HECW2: variants seen among roughly 807,000 people sequenced by gnomAD.
HECW2 encodes E3 ubiquitin-protein ligase HECW2.
Under a neutral mutation model 175.2 loss-of-function variants are expected in HECW2, and 61 were observed. The observed-to-expected ratio is 0.35, with a 90% CI of 0.28 to 0.43. The LOEUF is 0.43. Ranked by LOEUF, HECW2 falls within the 20% of genes least tolerant of loss-of-function variation. The pLI is 1.00. For missense variants in HECW2, 1,524 were observed against 2,000.5 expected (o/e 0.76, Z 4.54); for synonymous variants, 671 against 731.0 (o/e 0.92, Z 1.32).
chr2:196,245,336 G>A (rs951844861), intron 19 of HECW2, among the ~76,000 whole-genome samples: 1 of 152,146 alleles, frequency 6.6e-6, no homozygotes, highest in African/African-American at 2.4e-5. Flanking sequence ...AGAAAATGAA[G>A]GTGCAGTTTC....
Position 196,307,236 on chromosome 2 carries a change from A to T in HECW2, c.2586-3T>A, listed in dbSNP as rs759711367. 1 of 1,591,614 alleles carries T rather than the reference A, an allele frequency of 6.3e-7. No homozygotes were observed. Among genetic ancestry groups the T allele is most frequent in the Non-Finnish European group, 8.6e-7 (1 of 1,159,492 alleles). ...TGGTTCTGCGGATACTCTGATATCT[A>T]AAATCATGAGCCTAGAGTTACATTC... On this transcript the variant is annotated splice_polypyrimidine_tract_variant and splice_region_variant and intron_variant, in intron 11 of 28. Transcript: ENST00000644978.
intron 2 of HECW2, among the ~76,000 whole-genome samples, chr2:196,418,211 C>A (rs1311366810): frequency 1.3e-5 from 2 of 152,150 alleles, no homozygotes; most frequent in African/African-American, 4.8e-5. Flanking sequence ...TCACTGCAAG[C>A]TCTGCCTCCC....
At chr2:196,332,730 G>A (rs1692412642) in intron 4 of HECW2, among the ~76,000 whole-genome samples, 1 of 152,120 alleles carries the variant, frequency 6.6e-6, no homozygotes, top group Non-Finnish European at 1.5e-5. Context: ...TCTAATTTCA[G>A]ACACAATGAT....
At chr2:196,216,383 A>G (rs759127200) in intron 27 of HECW2, among the ~76,000 whole-genome samples, 1 of 152,008 alleles carries the variant, frequency 6.6e-6, no homozygotes, top group Non-Finnish European at 1.5e-5. Context: ...TTTGAGGCCC[A>G]GACCCTTAAT....
chr2:196,531,537 C>T (rs182641944), intron 1 of HECW2, among the ~76,000 whole-genome samples: 106 of 151,842 alleles, frequency 7.0e-4, no homozygotes, highest in East Asian at 3.9e-4. Context: ...TGATGGGCAC[C>T]GGTAATCCCA....
intron 15 of HECW2, among the ~76,000 whole-genome samples, chr2:196,276,885 T>C (rs771423498): frequency 1.3e-5 from 2 of 152,252 alleles, no homozygotes; most frequent in Non-Finnish European, 2.9e-5. Flanking sequence ...AGAATTTTGA[T>C]GAATCAGATC....
At chr2:196,509,934 T>G (rs1687888326) in intron 1 of HECW2, among the ~76,000 whole-genome samples, 1 of 152,194 alleles carries the variant, frequency 6.6e-6, no homozygotes, top group South Asian at 2.1e-4. Flanking sequence ...TGAGACTCTT[T>G]TAAGATATTA....
chr2:196,252,459 A>G (rs1688896089), intron 19 of HECW2, among the ~76,000 whole-genome samples: 1 of 152,008 alleles, frequency 6.6e-6, no homozygotes, highest in Non-Finnish European at 1.5e-5. Flanking sequence ...ATAAGTGCAG[A>G]TCCCTCATGA....
intron 1 of HECW2, among the ~76,000 whole-genome samples, chr2:196,446,619 G>A (rs1488468089): frequency 7.2e-5 from 11 of 152,266 alleles, no homozygotes; most frequent in Admixed American, 5.2e-4. Context: ...TTTAATTTAA[G>A]TGATTTCATG....
At chr2:196,348,553 CA>C (rs1436640756) in intron 2 of HECW2, among the ~76,000 whole-genome samples, 2 of 152,120 alleles carry the variant, frequency 1.3e-5, no homozygotes, top group East Asian at 3.9e-4. Context: ...AAGGCTGAGA[CA>C]GGGGTGTCCC....
intron 13 of HECW2, among the ~76,000 whole-genome samples, chr2:196,294,996 A>C (rs1201696035): frequency 6.6e-6 from 1 of 152,188 alleles, no homozygotes; most frequent in African/African-American, 2.4e-5. Flanking sequence ...AAACAAATTA[A>C]AGGAAAGAAG....
chr2:196,390,692 C>G (rs1438798227), intron 2 of HECW2, among the ~76,000 whole-genome samples: 1 of 152,140 alleles, frequency 6.6e-6, no homozygotes, highest in Non-Finnish European at 1.5e-5. Context: ...CAGTTTCATA[C>G]TTGATGCCTG....
intron 2 of HECW2, among the ~76,000 whole-genome samples, chr2:196,405,074 G>A (rs1339343912): frequency 4.7e-5 from 7 of 150,144 alleles, no homozygotes; most frequent in Non-Finnish European, 7.4e-5. Flanking sequence ...CTCGTGATCC[G>A]CCCGCCTCGG....
intron 13 of HECW2, among the ~76,000 whole-genome samples, chr2:196,293,888 G>A (rs1189264891): frequency 6.6e-6 from 1 of 152,188 alleles, no homozygotes; most frequent in Non-Finnish European, 1.5e-5. Context: ...GCAATGGAAT[G>A]AGTTGCTCTC....
At chr2:196,339,168 T>C (rs976120823) in intron 3 of HECW2, among the ~76,000 whole-genome samples, 7 of 152,284 alleles carry the variant, frequency 4.6e-5, no homozygotes, top group Non-Finnish European at 8.8e-5. Context: ...CTTTCTGATA[T>C]TGGTGGGAGG....
At chr2:196,569,649 C>T (rs1323018125) in intron 1 of HECW2, among the ~76,000 whole-genome samples, 1 of 152,160 alleles carries the variant, frequency 6.6e-6, no homozygotes, top group Non-Finnish European at 1.5e-5. Context: ...CCAGGACCCC[C>T]GATTTGTGCC....
At chr2:196,479,951 G>C (rs1000427871) in intron 1 of HECW2, among the ~76,000 whole-genome samples, 1 of 152,032 alleles carries the variant, frequency 6.6e-6, no homozygotes, top group South Asian at 2.1e-4. Flanking sequence ...AATATTTAAA[G>C]GACTCTCTAT....
At chr2:196,270,969 C>T (rs1449246360) in intron 17 of HECW2, among the ~76,000 whole-genome samples, 1 of 152,186 alleles carries the variant, frequency 6.6e-6, no homozygotes, top group Non-Finnish European at 1.5e-5. Context: ...GCTGAGATTA[C>T]AGGCGTGAGT....
chr2:196,477,054 G>A (rs1215398470), intron 1 of HECW2, among the ~76,000 whole-genome samples: 1 of 150,048 alleles, frequency 6.7e-6, no homozygotes, highest in Non-Finnish European at 1.5e-5. Context: ...GAGGTGAGAG[G>A]ATCACTTGAG....
Sources: allele counts gnomAD v4.1 joint callset (sites outside exome capture counted in the v4.1 genomes callset), GRCh38; gene constraint gnomAD v4.1.1; transcripts MANE v1.5; gene names NCBI Gene and HGNC (gene_info 2026-07-23, HGNC 2026-07-21).